The following CATSPERG variants were observed in gnomAD, a reference collection of about 807,000 sequenced individuals.
CATSPERG encodes the protein catsper channel auxiliary subunit gamma.
A neutral mutation model predicts 145.0 loss-of-function variants in CATSPERG; 115 were observed. The ratio of observed to expected loss-of-function variants is 0.79; its 90% CI spans 0.68 to 0.93. CATSPERG has a LOEUF of 0.93. Among genes scored for constraint, CATSPERG ranks in the 40% least tolerant of loss-of-function variants. CATSPERG has a pLI of 0.00. For synonymous variants in CATSPERG, 588 were observed against 589.0 expected, an observed-to-expected ratio of 1.00 and a Z score of 0.02; for missense variants, 1,296 against 1,490.1, an observed-to-expected ratio of 0.87 and a Z score of 2.14.
Position 38,352,396 on chromosome 19 carries a change from A to G in CATSPERG, c.961A>G (p.Thr321Ala), listed in dbSNP as rs764197189. 1.5e-5 allele frequency: 23 copies of G among 1,551,390 alleles called. No individual in the cohort carries two copies. The highest frequency in any genetic ancestry group is 8.3e-5 in the South Asian group (7 of 84,034). The change falls in exon 8 of 29, where the codon ACC (threonine) becomes GCC (alanine). Residue 321 changes from threonine (T) to alanine (A), a missense_variant. Thr to Ala is a moderately conservative substitution (Grantham distance 58, BLOSUM62 0). Transcript: ENST00000409235. The stretch of plus-strand genomic sequence containing the variant: ...CCAGCTGGTCTACTATTTTACAGGC[A>G]CCTATACCACACTCTATGAGAGAAA... ...QNQLVYYFTG[T>A]YTTLYERNRG...
intron 6 of CATSPERG, 49 bp downstream of exon 6, chr19:38,344,417 G>C: frequency 2.7e-6 from 4 of 1,491,952 alleles, no homozygotes; most frequent in Non-Finnish European, 3.7e-6. Flanking sequence ...GCCTTAGGCT[G>C]ACGCCCTGGT....
intron 13 of CATSPERG, 113 bp downstream of exon 13, chr19:38,358,674 T>TTGCCTTCAAAGGACAAGCCTTCAAA (rs1970290754): frequency 7.6e-7 from 1 of 1,323,292 alleles, no homozygotes; most frequent in African/African-American, 1.4e-5. Context: ...CTTCAAAGGA[T>TTGCCTTCAAAGGACAAGCCTTCAAA]GCACAAATCC....
At chr19:38,344,747 C>A (rs1033726096) in intron 6 of CATSPERG, among the ~76,000 whole-genome samples, 2 of 112,668 alleles carry the variant, frequency 1.8e-5, no homozygotes, top group African/African-American at 6.0e-5. Context: ...CATACCTGTA[C>A]ATACATATAT....
intron 8 of CATSPERG, among the ~76,000 whole-genome samples, chr19:38,352,746 G>C (rs574882111): frequency 6.6e-6 from 1 of 151,614 alleles, no homozygotes; most frequent in Non-Finnish European, 1.5e-5. Context: ...GTGGCAGAAG[G>C]ACTTGCCAAG....
In CATSPERG at chr19:38,352,281, G is replaced by A; in HGVS notation, c.846G>A (p.Trp282Ter). 1 of 1,551,480 alleles carries A rather than the reference G, an allele frequency of 6.4e-7. No homozygotes were observed. The highest frequency in any genetic ancestry group is 1.4e-5 in the African/African-American group (1 of 73,156). Residue 282 changes from tryptophan (W) to a stop codon, truncating the protein, a stop_gained, in exon 8 of 29, where the codon TGG (tryptophan) becomes TGA (stop). Transcript: ENST00000409235. LOFTEE classifies it high-confidence loss of function. ...SLVELSIDSC[W>*]VGSFYCPHSG... ...TGCAGCTGAGCATTGACAGTTGCTG[G>A]GTGGGCTCCTTCTACTGCCCCCATT... is the stretch of plus-strand genomic sequence containing the variant.
chr19:38,369,652 T>C (rs1970512578), intron 26 of CATSPERG: 2 of 387,546 alleles, frequency 5.2e-6, no homozygotes, highest in Non-Finnish European at 9.8e-6. Context: ...ATTTATGGGA[T>C]AAAGGAATGC....
rs142474607 is a variant in CATSPERG at position 38,338,306 on chromosome 19, G to A, written c.324+660G>A. Among the ~76,000 whole-genome samples, 1,155 of 151,948 alleles carry A rather than the reference G, an allele frequency of 7.6e-3. 16 individuals carry two copies. Among genetic ancestry groups the A allele is most frequent in the East Asian group, 0.048 (248 of 5,134 alleles). On this transcript the variant is annotated intron_variant, in intron 3 of 28. Transcript: ENST00000409235. ...TGGGACTACAGGCGCCTGCCACCAC[G>A]CCCGGCTAATTTTTTGTATTTTTAG...
In CATSPERG at chr19:38,338,437, C is replaced by T. The variant is rs1305696782; in HGVS notation, c.324+791C>T. ...TGCTGGGATTACAGGCGTGAGCCAC[C>T]TCACCCGGCCTTGTTCCAGGTTTTT... On this transcript the variant is annotated intron_variant, in intron 3 of 28. Transcript: ENST00000409235. Among the ~76,000 whole-genome samples, 7 of 152,326 alleles carry T rather than the reference C, an allele frequency of 4.6e-5. No individual in the cohort carries two copies. In the East Asian group the frequency reaches 1.2e-3, roughly 25 times the overall value.
At chr19:38,337,131 G>A in intron 1 of CATSPERG, 90 bp from the exon 2 acceptor site, 1 of 1,456,676 alleles carries the variant, frequency 6.9e-7, no homozygotes, top group Admixed American at 2.1e-5. Flanking sequence ...AGGAGCAAGT[G>A]CTGTGAGAGG....
chr19:38,337,607 C>CCT lies in CATSPERG; in HGVS notation c.286_287insTC (p.Pro96LeufsTer5). The CCT allele has an allele frequency of 6.4e-7, 1 of 1,551,742 alleles. No individual in the cohort carries two copies. Among genetic ancestry groups the CCT allele is most frequent in the Admixed American group, 2.0e-5 (1 of 51,010 alleles). On this transcript the variant is annotated frameshift_variant, in exon 3 of 29. Transcript: ENST00000409235. LOFTEE classifies it high-confidence loss of function. ...TCTCTTTGCAGAAATACCTGGGCTT[C>CCT]CCTTACTACCTGAAGATCAACTACT...
intron 7 of CATSPERG, among the ~76,000 whole-genome samples, chr19:38,348,100 T>C (rs1970071107): frequency 6.6e-6 from 1 of 152,212 alleles, no homozygotes; most frequent in Non-Finnish European, 1.5e-5. Flanking sequence ...ACCATCTTCC[T>C]GTCCTGTGTC....
intron 18 of CATSPERG, 33 bp downstream of exon 18, chr19:38,362,305 G>A (rs764665051): frequency 1.2e-6 from 2 of 1,613,460 alleles, no homozygotes; most frequent in African/African-American, 2.7e-5. Context: ...CGGGAAAGGG[G>A]CGGCGCCCGG....
At chr19:38,352,221 C>T (rs1970153963) in intron 7 of CATSPERG, 40 bp from the exon 8 acceptor site, 1 of 1,545,550 alleles carries the variant, frequency 6.5e-7, no homozygotes, top group Non-Finnish European at 8.7e-7. Context: ...GGGCTGAGGC[C>T]AAGGCCACCT....
chr19:38,337,833 C>T, intron 3 of CATSPERG, 187 bp downstream of exon 3: 1 of 498,412 alleles, frequency 2.0e-6, no homozygotes, highest in East Asian at 3.7e-5. Context: ...ATGCTCCTGC[C>T]TCGGCCTCCC....
intron 4 of CATSPERG, 37 bp downstream of exon 4, chr19:38,343,761 C>A: frequency 1.3e-6 from 2 of 1,537,532 alleles, no homozygotes; most frequent in Non-Finnish European, 1.7e-6. Flanking sequence ...CGCAACCTGG[C>A]AGGGGTGTGG....
chr19:38,347,387 C>CA (rs934381401), intron 7 of CATSPERG, among the ~76,000 whole-genome samples: 52 of 142,628 alleles, frequency 3.6e-4, no homozygotes, highest in South Asian at 2.2e-3. Flanking sequence ...CAAAGAAAAA[C>CA]AAAAAAAAAA....
Position 38,361,642 on chromosome 19 carries a change from GCC to G in CATSPERG, c.1881-4_1881-3del. On this transcript the variant is annotated splice_polypyrimidine_tract_variant and splice_region_variant and intron_variant, in intron 16 of 28. Transcript: ENST00000409235. The stretch of plus-strand genomic sequence containing the variant: ...CCAGCAGCCTTTCCCCCTTGCCACT[GCC>G]CAGGGGCTACTTGATGCTCTCCTTC... 1 of 1,608,034 alleles carries G rather than the reference GCC, an allele frequency of 6.2e-7. No homozygotes were observed. The highest frequency in any genetic ancestry group is 8.5e-7 in the Non-Finnish European group (1 of 1,179,342).
chr19:38,346,718 C>A, intron 7 of CATSPERG, 113 bp downstream of exon 7: 1 of 928,672 alleles, frequency 1.1e-6, no homozygotes. Context: ...CATATCTGTC[C>A]CCATGAGAGG....
chr19:38,358,915 TC>T (rs1450813484), intron 13 of CATSPERG, among the ~76,000 whole-genome samples: 2 of 151,960 alleles, frequency 1.3e-5, no homozygotes, highest in Non-Finnish European at 2.9e-5. Flanking sequence ...AGTGGCAAAA[TC>T]TCGGCTCACT....
Sources: allele counts gnomAD v4.1 joint callset (sites outside exome capture counted in the v4.1 genomes callset), GRCh38; gene constraint gnomAD v4.1.1; transcripts MANE v1.5; gene names NCBI Gene and HGNC (gene_info 2026-07-23, HGNC 2026-07-21).